The following ZBTB16 variants were observed in gnomAD, a reference collection of about 807,000 sequenced individuals.
ZBTB16 encodes zinc finger and BTB domain containing 16, also known as zinc finger and BTB domain-containing protein 16.
In ZBTB16, 8 loss-of-function variants were observed where a neutral mutation model predicts 56.8. That is an observed-to-expected ratio of 0.14 (90% CI 0.08 to 0.25). ZBTB16 has a LOEUF of 0.25. Ranked by LOEUF, ZBTB16 falls within the 10% of genes least tolerant of loss-of-function variation. The pLI, the probability that ZBTB16 is intolerant of heterozygous loss-of-function variation, is 1.00. For synonymous variants in ZBTB16, 363 were observed against 368.5 expected, an observed-to-expected ratio of 0.98 and a Z score of 0.17; for missense variants, 625 against 903.0, an observed-to-expected ratio of 0.69 and a Z score of 3.95.
At chr11:114,070,035 A>G (rs1282226947) in intron 2 of ZBTB16, among the ~76,000 whole-genome samples, 1 of 151,872 alleles carries the variant, frequency 6.6e-6, no homozygotes, top group African/African-American at 2.4e-5. Flanking sequence ...GTTTGATTAC[A>G]GAGTGCTGCC....
chr11:114,217,182 A>G (rs1217262270), intron 4 of ZBTB16, among the ~76,000 whole-genome samples: 1 of 152,240 alleles, frequency 6.6e-6, no homozygotes, highest in Non-Finnish European at 1.5e-5. Flanking sequence ...GGCATAGGCA[A>G]GCCCAGGCCA....
At chr11:114,099,124 T>C (rs1293438899) in intron 2 of ZBTB16, among the ~76,000 whole-genome samples, 1 of 152,192 alleles carries the variant, frequency 6.6e-6, no homozygotes, top group East Asian at 1.9e-4. Flanking sequence ...TCTAGAACAG[T>C]TGAGCAATGT....
intron 2 of ZBTB16, among the ~76,000 whole-genome samples, chr11:114,105,163 C>T (rs1196342274): frequency 6.6e-6 from 1 of 152,002 alleles, no homozygotes; most frequent in Non-Finnish European, 1.5e-5. Context: ...ATATACTTCT[C>T]TGATTTTTTG....
chr11:114,179,552 A>G (rs1377452056), intron 3 of ZBTB16, among the ~76,000 whole-genome samples: 1 of 151,996 alleles, frequency 6.6e-6, no homozygotes, highest in Non-Finnish European at 1.5e-5. Flanking sequence ...ATCTCATCAG[A>G]ACATTCAAGA....
chr11:114,060,078 G>T lies in ZBTB16; in HGVS notation c.-91+196G>T, dbSNP rs929484538. ...CCGGTTGGGGGTCGGCTAGAAGGGG[G>T]AGCCCCGGCTGTCAGCCTGGGCGCA... is the stretch of plus-strand genomic sequence containing the variant. On this transcript the variant is annotated intron_variant, in intron 1 of 6. Transcript: ENST00000335953. The surrounding 1 kb of genome is among the most constrained non-coding windows in gnomAD (Gnocchi z 6.0). 1.3e-5 allele frequency among the ~76,000 whole-genome samples: 2 copies of T among 152,184 alleles called. No homozygotes were observed. The highest frequency in any genetic ancestry group is 4.8e-5 in the African/African-American group (2 of 41,456).
intron 2 of ZBTB16, among the ~76,000 whole-genome samples, chr11:114,091,846 C>A (rs746493701): frequency 6.6e-6 from 1 of 152,108 alleles, no homozygotes; most frequent in Non-Finnish European, 1.5e-5. Context: ...TCTCCTAAGC[C>A]GGTCAAGCAG....
intron 4 of ZBTB16, among the ~76,000 whole-genome samples, chr11:114,218,408 C>T (rs1591791871): frequency 6.6e-6 from 1 of 152,306 alleles, no homozygotes; most frequent in East Asian, 1.9e-4. Context: ...CCTGAAACCC[C>T]TCTTCCACTT....
intron 2 of ZBTB16, among the ~76,000 whole-genome samples, chr11:114,080,281 A>G (rs948992605): frequency 4.6e-5 from 7 of 152,118 alleles, no homozygotes; most frequent in African/African-American, 1.7e-4. Context: ...ACACTTGAAT[A>G]GTGGAGAGAG....
intron 2 of ZBTB16, among the ~76,000 whole-genome samples, chr11:114,106,360 A>G (rs1201985200): frequency 6.6e-6 from 1 of 152,160 alleles, no homozygotes; most frequent in Non-Finnish European, 1.5e-5. Context: ...ATTATGATGG[A>G]TTACATGGGA....
At chr11:114,157,863 G>T (rs1942464181) in intron 3 of ZBTB16, among the ~76,000 whole-genome samples, 2 of 152,046 alleles carry the variant, frequency 1.3e-5, no homozygotes, top group South Asian at 4.1e-4. Flanking sequence ...CGTGCATTCT[G>T]TTCTTCCTTC....
chr11:114,071,833 C>T (rs1939359615), intron 2 of ZBTB16, among the ~76,000 whole-genome samples: 1 of 152,148 alleles, frequency 6.6e-6, no homozygotes, highest in Non-Finnish European at 1.5e-5. Flanking sequence ...CTTCCCCACC[C>T]CCACGTTTTA....
At chr11:114,201,040 G>T (rs539711247) in intron 4 of ZBTB16, among the ~76,000 whole-genome samples, 1 of 152,288 alleles carries the variant, frequency 6.6e-6, no homozygotes, top group South Asian at 2.1e-4. Context: ...CATTGAAATT[G>T]CAGGGTTTGC....
chr11:114,160,338 T>C (rs559090321), intron 3 of ZBTB16, among the ~76,000 whole-genome samples: 1 of 152,274 alleles, frequency 6.6e-6, no homozygotes, highest in African/African-American at 2.4e-5. Flanking sequence ...ATAGGCCGCA[T>C]TGAATTCCGC....
At chr11:114,101,768 C>G (rs1024488081) in intron 2 of ZBTB16, among the ~76,000 whole-genome samples, 1 of 152,192 alleles carries the variant, frequency 6.6e-6, no homozygotes, top group Admixed American at 6.5e-5. Flanking sequence ...GTTGCCTTAT[C>G]CTCCATTTTC....
Position 114,064,620 on chromosome 11 carries a change from C to G in ZBTB16, c.1268+52C>G. The G allele has an allele frequency of 6.2e-7, 1 of 1,600,574 alleles. No individual in the cohort carries two copies. The highest frequency in any genetic ancestry group is 8.5e-7 in the Non-Finnish European group (1 of 1,174,322). On this transcript the variant is annotated intron_variant, in intron 2 of 6. Transcript: ENST00000335953. This position sits in a 1 kb window ranked among gnomAD's most constrained non-coding sequence, Gnocchi z 4.2. The stretch of plus-strand genomic sequence containing the variant: ...GATGTAGGACTTGAGGCCCTCACAC[C>G]CCTCCTTCACACCCTGGCTGCTCCC...
intron 2 of ZBTB16, among the ~76,000 whole-genome samples, chr11:114,092,348 T>C (rs1210061084): frequency 1.3e-5 from 2 of 152,208 alleles, no homozygotes; most frequent in African/African-American, 4.8e-5. Flanking sequence ...AGTGCCTGTT[T>C]AGACAGCTCC....
chr11:114,233,608 CT>C (rs888630669), intron 4 of ZBTB16, among the ~76,000 whole-genome samples: 4 of 151,620 alleles, frequency 2.6e-5, no homozygotes, highest in Non-Finnish European at 4.4e-5. Context: ...TTCTCTCCTC[CT>C]TTTTTTTTAA....
chr11:114,180,423 G>T (rs922754692), intron 3 of ZBTB16, among the ~76,000 whole-genome samples: 1 of 152,224 alleles, frequency 6.6e-6, no homozygotes, highest in East Asian at 1.9e-4. Context: ...CTCACTGACT[G>T]TAGCGGAGGG....
chr11:114,199,505 G>A lies in ZBTB16; in HGVS notation c.1453+12467G>A, dbSNP rs139688142. Among the ~76,000 whole-genome samples, 50 of 152,358 alleles carry A rather than the reference G, an allele frequency of 3.3e-4. No individual in the cohort carries two copies. The East Asian group carries it at 8.3e-3, about 25-fold the overall frequency. ...CCCTTCCCCGGCCTCCCACCCTAGT[G>A]GAAATGTGATTGCAGATTACCATTG... On this transcript the variant is annotated intron_variant, in intron 4 of 6. Coordinates refer to ENST00000335953, the MANE Select transcript of ZBTB16 (RefSeq NM_006006.6).
Sources: allele counts gnomAD v4.1 joint callset (sites outside exome capture counted in the v4.1 genomes callset), GRCh38; gene constraint gnomAD v4.1.1; non-coding constraint Gnocchi (gnomAD v3.1); transcripts MANE v1.5; gene names NCBI Gene and HGNC (gene_info 2026-07-23, HGNC 2026-07-21).